The following NLRP12 variants were observed in gnomAD, a reference collection of about 807,000 sequenced individuals.
NLRP12 encodes NACHT, LRR and PYD domains-containing protein 12.
Under a neutral mutation model 91.2 loss-of-function variants are expected in NLRP12, and 108 were observed. The observed-to-expected ratio is 1.18, with a 90% CI of 1.01 to 1.39. The LOEUF is 1.39. NLRP12 is among the 40% of genes most tolerant of loss of function. NLRP12 has a pLI of 0.00. For synonymous variants in NLRP12, 613 were observed against 566.7 expected (o/e 1.08, Z -1.16); for missense variants, 1,530 against 1,352.7 (o/e 1.13, Z -2.06).
At chr19:53,817,442 T>C (rs1323896639) in intron 1 of NLRP12, among the ~76,000 whole-genome samples, 1 of 144,810 alleles carries the variant, frequency 6.9e-6, no homozygotes, top group Non-Finnish European at 1.5e-5. Context: ...AAAGAAAAAG[T>C]GGTTAAGAGG....
chr19:53,796,985 T>TA lies in NLRP12; in HGVS notation c.2928-957dup, dbSNP rs951395965. On this transcript the variant is annotated intron_variant, in intron 8 of 9. Transcript: ENST00000324134. ...CCAGGGTGACAGGGAGACCCTGTTT[T>TA]AAAAAAAAAAAAAATCCCAAATAAA... is the stretch of plus-strand genomic sequence containing the variant. 8.9e-3 allele frequency among the ~76,000 whole-genome samples: 1,257 copies of TA among 141,902 alleles called. 14 individuals carry two copies. Among genetic ancestry groups the TA allele is most frequent in the African/African-American group, 0.026 (1,005 of 38,600 alleles). 93.1% of individuals were successfully genotyped at this position (141,902 alleles called of 152,430 possible). A position where few individuals can be genotyped will look rare whatever the true frequency, so the allele number is the denominator to read the frequency against.
At chr19:53,805,900 T>C (rs2091951124) in intron 4 of NLRP12, 1 of 230,456 alleles carries the variant, frequency 4.3e-6, no homozygotes, top group African/African-American at 2.3e-5. Flanking sequence ...TAAAATGTTT[T>C]GATGCTTTGT....
intron 1 of NLRP12, among the ~76,000 whole-genome samples, chr19:53,821,441 G>A (rs2092263975): frequency 6.6e-6 from 1 of 152,090 alleles, no homozygotes; most frequent in Non-Finnish European, 1.5e-5. Context: ...GGCCGAGACG[G>A]CTGGATCATG....
chr19:53,819,330 C>A (rs1020211289), intron 1 of NLRP12, among the ~76,000 whole-genome samples: 5 of 147,342 alleles, frequency 3.4e-5, no homozygotes, highest in Non-Finnish European at 6.0e-5. Context: ...CTGCAACCTC[C>A]GCCTCCCGGG....
chr19:53,804,801 G>A (rs2091931362), intron 5 of NLRP12, among the ~76,000 whole-genome samples: 1 of 151,632 alleles, frequency 6.6e-6, no homozygotes, highest in African/African-American at 2.4e-5. Flanking sequence ...GCCAAGGTGG[G>A]TGGATCATTT....
intron 5 of NLRP12, 102 bp downstream of exon 5, chr19:53,805,178 C>A: frequency 4.7e-6 from 6 of 1,289,524 alleles, no homozygotes; most frequent in Non-Finnish European, 6.7e-6. Flanking sequence ...AGGGCCAGCC[C>A]TGATTTAAAG....
intron 7 of NLRP12, among the ~76,000 whole-genome samples, chr19:53,800,801 C>G (rs2091855904): frequency 6.6e-6 from 1 of 152,022 alleles, no homozygotes. Flanking sequence ...TCAGGCTGGT[C>G]TCGAATTCCC....
chr19:53,809,600 G>A lies in NLRP12; in HGVS notation c.2059C>T (p.Leu687=). 1.2e-6 allele frequency: 2 copies of A among 1,601,636 alleles called. No individual in the cohort carries two copies. The highest frequency in any genetic ancestry group is 2.2e-5 in the South Asian group (2 of 90,902). The change falls in exon 3 of 10, where the codon CTG becomes TTG. Residue 687 remains leucine, a synonymous_variant. Transcript: ENST00000324134. ...RARCSAGAHT[L]LVQLPERTVL... ...AGGGATACTTACAGCTGCACCAACA[G>A]CGTGTGCGCTCCTGCGGAGCACCTC...
At chr19:53,816,615 A>G (rs2092163824) in intron 1 of NLRP12, among the ~76,000 whole-genome samples, 1 of 152,012 alleles carries the variant, frequency 6.6e-6, no homozygotes, top group Non-Finnish European at 1.5e-5. Flanking sequence ...TTCACCTCCC[A>G]GGTTTAAGTG....
At chr19:53,816,822 G>A (rs925878898) in intron 1 of NLRP12, among the ~76,000 whole-genome samples, 17 of 151,258 alleles carry the variant, frequency 1.1e-4, no homozygotes, top group Non-Finnish European at 2.1e-4. Context: ...GATTACAGGC[G>A]TGAGCTACTG....
intron 5 of NLRP12, among the ~76,000 whole-genome samples, chr19:53,804,390 T>TG (rs1451026946): frequency 7.4e-6 from 1 of 134,620 alleles, no homozygotes; most frequent in Non-Finnish European, 1.6e-5. Context: ...TTGTTTTTTT[T>TG]GGGTTTTTTT....
At position 53,810,198 on chromosome 19, in the gene NLRP12, G is replaced by C. The variant is rs555808644; in HGVS notation, c.1461C>G (p.Asp487Glu). 1.9e-6 allele frequency: 3 copies of C among 1,614,184 alleles called. No homozygotes were observed. The highest frequency in any genetic ancestry group is 4.5e-5 in the East Asian group (2 of 44,876). The part of the protein sequence containing the change: ...EEQDLRKHGL[D>E]GEDVSAFLNM... Reference sequence around the variant, plus strand: ...TGAGGAAGGCAGAGACGTCTTCCCCGTCTAGGCCGTGCTTCCGGAGGTCCT... The same window carrying C: ...TGAGGAAGGCAGAGACGTCTTCCCCCTCTAGGCCGTGCTTCCGGAGGTCCT... Residue 487 changes from aspartate (D) to glutamate (E), a missense_variant, in exon 3 of 10, where the codon GAC (aspartate) becomes GAG (glutamate). Asp to Glu is a conservative substitution (Grantham distance 45). Transcript: ENST00000324134.
At chr19:53,808,997 G>C (rs531719605) in intron 3 of NLRP12, among the ~76,000 whole-genome samples, 1 of 152,048 alleles carries the variant, frequency 6.6e-6, no homozygotes, top group Admixed American at 6.6e-5. Context: ...AGGCCAAGGT[G>C]GGTGGATCAC....
chr19:53,823,769 T>G, intron 1 of NLRP12, 117 bp downstream of exon 1: 25 of 1,191,930 alleles, frequency 2.1e-5, no homozygotes, highest in Non-Finnish European at 2.9e-5. Flanking sequence ...AGACTGGTCT[T>G]GAACTCCTCA....
chr19:53,799,633 C>G (rs2091834074), intron 7 of NLRP12, among the ~76,000 whole-genome samples: 5 of 152,000 alleles, frequency 3.3e-5, no homozygotes, highest in African/African-American at 1.2e-4. Context: ...CAGGCGTCCG[C>G]CACCATGCCT....
In NLRP12 at chr19:53,801,267, C is replaced by A; in HGVS notation, c.2716G>T (p.Glu906Ter). 1 of 1,613,830 alleles carries A rather than the reference C, an allele frequency of 6.2e-7. No individual in the cohort carries two copies. The highest frequency in any genetic ancestry group is 8.5e-7 in the Non-Finnish European group (1 of 1,179,984). Residue 906 changes from glutamate to a stop codon, truncating the protein, a stop_gained, in exon 7 of 10, where the codon GAG becomes TAG. Transcript: ENST00000324134. LOFTEE classifies it high-confidence loss of function. ...LGDLGVLLLC[E>*]GLRHPTCKLQ... Reference sequence around the variant, plus strand: ...TTGCACGTGGGATGCCTGAGGCCCTCACACAGCAGCAGCACCCCGAGGTCC... The same window carrying A: ...TTGCACGTGGGATGCCTGAGGCCCTAACACAGCAGCAGCACCCCGAGGTCC...
chr19:53,798,100 G>A, intron 8 of NLRP12, 143 bp downstream of exon 8: 2 of 1,003,124 alleles, frequency 2.0e-6, no homozygotes, highest in Non-Finnish European at 3.1e-6. Flanking sequence ...GAGACTTCCT[G>A]TCTTTTCTTT....
At chr19:53,796,080 A>T (rs778311365) in intron 8 of NLRP12, 51 bp from the exon 9 acceptor site, 2 of 1,562,770 alleles carry the variant, frequency 1.3e-6, no homozygotes, top group South Asian at 2.2e-5. Context: ...TACTTATGTT[A>T]TTCGGAGGCA....
At chr19:53,814,333 G>A (rs1310261713) in intron 2 of NLRP12, among the ~76,000 whole-genome samples, 1 of 152,010 alleles carries the variant, frequency 6.6e-6, no homozygotes, top group Admixed American at 6.6e-5. Flanking sequence ...CAGGGAGGAA[G>A]AAGGCCTTTA....
Sources: allele counts gnomAD v4.1 joint callset (sites outside exome capture counted in the v4.1 genomes callset), GRCh38; gene constraint gnomAD v4.1.1; transcripts MANE v1.5; gene names NCBI Gene and HGNC (gene_info 2026-07-23, HGNC 2026-07-21).